Variants in ERICH6 observed in about 807,000 individuals in gnomAD.
ERICH6 encodes the protein glutamate-rich protein 6.
Under a neutral mutation model 71.0 loss-of-function variants are expected in ERICH6, and 71 were observed. That is an observed-to-expected ratio of 1.00 (90% CI 0.83 to 1.22). ERICH6 has a LOEUF of 1.22. Ranked by LOEUF, ERICH6 falls within the 50% of genes most tolerant of loss-of-function variation. ERICH6 has a pLI of 0.00. For missense variants in ERICH6, 808 were observed against 797.2 expected (o/e 1.01, Z -0.16); for synonymous variants, 262 against 278.4 (o/e 0.94, Z 0.59).
intron 7 of ERICH6, among the ~76,000 whole-genome samples, chr3:150,681,756 G>C (rs956823944): frequency 1.3e-5 from 2 of 149,830 alleles, no homozygotes; most frequent in African/African-American, 4.9e-5. Context: ...GTGTGAAGTG[G>C]TATCCCACTG....
At chr3:150,676,325 G>C (rs969583990) in intron 10 of ERICH6, among the ~76,000 whole-genome samples, 5 of 151,772 alleles carry the variant, frequency 3.3e-5, no homozygotes, top group African/African-American at 4.8e-5. Flanking sequence ...TTTCAAATTT[G>C]CTATGTCAGT....
intron 12 of ERICH6, among the ~76,000 whole-genome samples, chr3:150,668,834 C>G (rs375979386): frequency 2.8e-4 from 43 of 152,240 alleles, no homozygotes; most frequent in African/African-American, 9.6e-4. Flanking sequence ...GTATGTTACT[C>G]TTCTTGCTTG....
intron 13 of ERICH6, among the ~76,000 whole-genome samples, chr3:150,666,213 G>A (rs1038521898): frequency 1.3e-5 from 2 of 152,214 alleles, no homozygotes; most frequent in Non-Finnish European, 2.9e-5. Flanking sequence ...CCCTGGGAGA[G>A]GCACTGGAGT....
chr3:150,684,888 C>G (rs1482720028), intron 6 of ERICH6, among the ~76,000 whole-genome samples: 1 of 151,878 alleles, frequency 6.6e-6, no homozygotes, highest in Non-Finnish European at 1.5e-5. Flanking sequence ...CACCTGTGGT[C>G]CCAGCTACTT....
chr3:150,683,196 A>G (rs1712039591), intron 6 of ERICH6, among the ~76,000 whole-genome samples: 1 of 152,254 alleles, frequency 6.6e-6, no homozygotes, highest in African/African-American at 2.4e-5. Flanking sequence ...ACTACCCCAG[A>G]GTAATGTCCA....
At chr3:150,668,935 G>A (rs562704406) in intron 12 of ERICH6, among the ~76,000 whole-genome samples, 30 of 152,298 alleles carry the variant, frequency 2.0e-4, no homozygotes, top group African/African-American at 7.0e-4. Context: ...TTACATAGAT[G>A]AAGCAGAATA....
intron 11 of ERICH6, among the ~76,000 whole-genome samples, chr3:150,669,856 A>G (rs73003064): frequency 0.17 from 25,468 of 152,118 alleles, 2,248 homozygotes; most frequent in African/African-American, 0.22. Context: ...ATGGATTTCA[A>G]ATAGGAATGA....
rs535631542 is a variant in ERICH6 at position 150,690,863 on chromosome 3, T to C, written c.554-4509A>G. 1.2e-4 allele frequency among the ~76,000 whole-genome samples: 18 copies of C among 152,322 alleles called. No homozygotes were observed. In the South Asian group the frequency reaches 1.7e-3, roughly 14 times the overall value. ...ATCTTTAATAGGTAAGACATTGATA[T>C]TGATTTAATAAAAAATAGCTACATC... On this transcript the variant is annotated intron_variant, in intron 3 of 13. Coordinates refer to ENST00000295910, the MANE Select transcript of ERICH6 (RefSeq NM_152394.5).
Position 150,666,850 on chromosome 3 carries a change from C to G in ERICH6, c.1665G>C (p.Lys555Asn), listed in dbSNP as rs143717273. The G allele has an allele frequency of 1.2e-4, 200 of 1,614,118 alleles. 2 individuals are homozygous for G. The African/African-American group carries it at 2.5e-3, about 20-fold the overall frequency. ...CCATTGCTAGAAAAGTTATAGAAAT[C>G]TTGTCTTGTTCTAAGATGCGGACTC... ...YIGVRILEQD[K>N]ISITFLAMGQ... The change falls in exon 13 of 14, where the codon AAG (lysine) becomes AAC (asparagine). Residue 555 changes from lysine to asparagine, a missense_variant. Transcript: ENST00000295910.
At chr3:150,660,436 C>T (rs1188875050) in intron 13 of ERICH6, among the ~76,000 whole-genome samples, 1 of 152,162 alleles carries the variant, frequency 6.6e-6, no homozygotes, top group East Asian at 1.9e-4. Context: ...CACAAAGATG[C>T]CTCAGACACA....
chr3:150,685,071 T>G (rs1293337744), intron 6 of ERICH6, among the ~76,000 whole-genome samples: 7 of 152,140 alleles, frequency 4.6e-5, no homozygotes, highest in Non-Finnish European at 7.4e-5. Context: ...CAGGCTGCTC[T>G]CAAGTGATCT....
At chr3:150,666,474 G>A (rs567399897) in intron 13 of ERICH6, among the ~76,000 whole-genome samples, 16 of 152,240 alleles carry the variant, frequency 1.1e-4, no homozygotes, top group African/African-American at 3.6e-4. Flanking sequence ...CTACCATGGC[G>A]GGGAGAAAAA....
intron 13 of ERICH6, among the ~76,000 whole-genome samples, chr3:150,663,979 T>C (rs1215507270): frequency 6.6e-6 from 1 of 152,018 alleles, no homozygotes; most frequent in Admixed American, 6.6e-5. Context: ...TGAGATAATC[T>C]GAGGAGTGAA....
chr3:150,702,926 G>GAGAGAGAGGGAGAGAGAAAGAGAA (rs1205111736), intron 1 of ERICH6, among the ~76,000 whole-genome samples: 1 of 137,924 alleles, frequency 7.3e-6, no homozygotes, highest in Admixed American at 7.3e-5. Context: ...CTGTGAGAGA[G>GAGAGAGAGGGAGAGAGAAAGAGAA]AGAGAGAGGG....
At chr3:150,699,076 T>C (rs1712762230) in intron 2 of ERICH6, among the ~76,000 whole-genome samples, 194 bp from the exon 3 acceptor site, 1 of 152,100 alleles carries the variant, frequency 6.6e-6, no homozygotes, top group Non-Finnish European at 1.5e-5. Flanking sequence ...TTTGGGGGGA[T>C]AAGCTGGGAG....
Position 150,678,427 on chromosome 3 carries a change from A to C in ERICH6, c.1239T>G (p.Ser413=). ...TCATTACCTTTCCACATGCTATCCG[A>C]GAATCACAACAAATGATAGACATGT... is the stretch of plus-strand genomic sequence containing the variant. ...NSNMSIICCD[S]RIACGKVVRN... Residue 413 remains serine, a synonymous_variant, in exon 10 of 14, where the codon TCT becomes TCG. Coordinates refer to ENST00000295910, the MANE Select transcript of ERICH6 (RefSeq NM_152394.5). The C allele has an allele frequency of 1.3e-6, 2 of 1,577,992 alleles. No homozygotes were observed. Among genetic ancestry groups the C allele is most frequent in the Non-Finnish European group, 1.7e-6 (2 of 1,169,080 alleles).
Position 150,680,762 on chromosome 3 carries a change from C to A in ERICH6, c.1040+11G>T, listed in dbSNP as rs768633983. ...CCTGTATGAGTTTCAGTATCGAAGT[C>A]TCAATGTTACCTTTGCAGGGCTTTT... On this transcript the variant is annotated intron_variant, in intron 8 of 13. Coordinates refer to ENST00000295910, the MANE Select transcript of ERICH6 (RefSeq NM_152394.5). 6.3e-7 allele frequency: 1 copy of A among 1,592,508 alleles called. No individual in the cohort carries two copies. Among genetic ancestry groups the A allele is most frequent in the South Asian group, 1.1e-5 (1 of 87,594 alleles).
At chr3:150,689,052 A>G (rs996731853) in intron 3 of ERICH6, among the ~76,000 whole-genome samples, 3 of 152,208 alleles carry the variant, frequency 2.0e-5, no homozygotes, top group Admixed American at 6.5e-5. Context: ...CAAATCTTCT[A>G]TCGGTGCTTG....
chr3:150,696,758 A>G (rs904685500), intron 3 of ERICH6, among the ~76,000 whole-genome samples: 4 of 152,196 alleles, frequency 2.6e-5, no homozygotes, highest in African/African-American at 9.6e-5. Context: ...ACAGACTGTC[A>G]AAAATTTAAA....
Sources: gnomAD v4.1 joint callset for allele counts (sites outside exome capture counted in the v4.1 genomes callset) on GRCh38, gnomAD v4.1.1 for gene constraint, MANE v1.5 for transcripts, NCBI Gene and HGNC (gene_info 2026-07-23, HGNC 2026-07-21) for gene names.